The following NUDCD3 variants were observed in gnomAD, a reference collection of about 807,000 sequenced individuals.
NUDCD3 encodes the protein NudC domain containing 3.
Under a neutral mutation model 39.7 loss-of-function variants are expected in NUDCD3, and 13 were observed. That is an observed-to-expected ratio of 0.33 (90% CI 0.21 to 0.52). The LOEUF is 0.52. Ranked by LOEUF, NUDCD3 falls within the 20% of genes least tolerant of loss-of-function variation. The pLI, the probability that NUDCD3 is intolerant of heterozygous loss-of-function variation, is 0.96. For missense variants in NUDCD3, 453 were observed against 458.1 expected, an observed-to-expected ratio of 0.99 and a Z score of 0.10; for synonymous variants, 175 against 172.4, an observed-to-expected ratio of 1.02 and a Z score of -0.12.
At chr7:44,400,191 G>A (rs1050112746) in intron 4 of NUDCD3, among the ~76,000 whole-genome samples, 2 of 152,194 alleles carry the variant, frequency 1.3e-5, no homozygotes, top group Admixed American at 6.5e-5. Flanking sequence ...CCGTTGCCAC[G>A]GCTGATTTTA....
At chr7:44,456,033 A>AC (rs1799889133) in intron 2 of NUDCD3, among the ~76,000 whole-genome samples, 1 of 131,492 alleles carries the variant, frequency 7.6e-6, no homozygotes, top group African/African-American at 2.9e-5. Context: ...CTCAAAAAAA[A>AC]AAAAAAAAAA....
At chr7:44,455,052 T>C (rs540982137) in intron 2 of NUDCD3, among the ~76,000 whole-genome samples, 11 of 152,250 alleles carry the variant, frequency 7.2e-5, no homozygotes, top group African/African-American at 2.6e-4. Context: ...CTCTTCTTAA[T>C]TGCCCCATAA....
At chr7:44,437,595 G>A (rs1799492130) in intron 2 of NUDCD3, among the ~76,000 whole-genome samples, 1 of 152,164 alleles carries the variant, frequency 6.6e-6, no homozygotes, top group Non-Finnish European at 1.5e-5. Flanking sequence ...GGCCACAGGG[G>A]TTGGGGCAGC....
At chr7:44,433,359 G>A (rs1048328510) in intron 2 of NUDCD3, among the ~76,000 whole-genome samples, 1 of 152,202 alleles carries the variant, frequency 6.6e-6, no homozygotes, top group African/African-American at 2.4e-5. Context: ...GGGTACGTGT[G>A]TGCATACAAT....
At chr7:44,405,762 G>A (rs910910903) in intron 3 of NUDCD3, among the ~76,000 whole-genome samples, 11 of 152,110 alleles carry the variant, frequency 7.2e-5, no homozygotes, top group Non-Finnish European at 1.2e-4. Context: ...AATGGAAATG[G>A]GAGAAATGAT....
rs1238371478 is a variant in NUDCD3, at chr7:44,380,789, A to G, written c.*5222T>C. On this transcript the variant is annotated 3_prime_UTR_variant, in exon 6 of 6. Transcript: ENST00000355451. Reference sequence around the variant, plus strand: ...ACCAGAGCAGCTTCCTAAACTCCCTAGTCCAGCAGAGGTTAGGGCTCGCTT... The same window carrying G: ...ACCAGAGCAGCTTCCTAAACTCCCTGGTCCAGCAGAGGTTAGGGCTCGCTT... 1 of 152,254 alleles carries G rather than the reference A, an allele frequency of 6.6e-6. No homozygotes were observed. Among genetic ancestry groups the G allele is most frequent in the African/African-American group, 2.4e-5 (1 of 41,446 alleles). 9.4% of individuals were successfully genotyped at this position (152,254 alleles called of 1,614,324 possible). A position where few individuals can be genotyped will look rare whatever the true frequency, so the allele number is the denominator to read the frequency against.
chr7:44,486,675 T>C (rs1800617614), intron 1 of NUDCD3, among the ~76,000 whole-genome samples: 1 of 152,230 alleles, frequency 6.6e-6, no homozygotes, highest in Non-Finnish European at 1.5e-5. Context: ...CTCATCCTGC[T>C]GATACTCCAG....
chr7:44,398,601 A>G (rs188122761), intron 4 of NUDCD3, among the ~76,000 whole-genome samples: 1 of 152,272 alleles, frequency 6.6e-6, no homozygotes, highest in East Asian at 1.9e-4. Flanking sequence ...AACTTACCTC[A>G]GCATCCCCCA....
At chr7:44,424,054 C>T (rs6957952) in intron 3 of NUDCD3, among the ~76,000 whole-genome samples, 20,599 of 152,100 alleles carry the variant, frequency 0.14, 1,728 homozygotes, top group Non-Finnish European at 0.19. Flanking sequence ...AAGGACTCCC[C>T]ATTTAATAAA....
rs1798318236 is a variant in NUDCD3 at position 44,382,297 on chromosome 7, T to C, written c.*3714A>G. ...TGTACACCAAACCCCTATGATCCAATTTACCCATGTAACAACCCTTGAACC... is the reference window on the plus strand; with the variant it reads ...TGTACACCAAACCCCTATGATCCAACTTACCCATGTAACAACCCTTGAACC... On this transcript the variant is annotated 3_prime_UTR_variant, in exon 6 of 6. Transcript: ENST00000355451. The C allele has an allele frequency of 1.3e-5, 2 of 152,104 alleles. No homozygotes were observed. The highest frequency in any genetic ancestry group is 2.4e-5 in the African/African-American group (1 of 41,486). 9.4% of individuals were successfully genotyped at this position (152,104 alleles called of 1,614,324 possible). A position where few individuals can be genotyped will look rare whatever the true frequency, so the allele number is the denominator to read the frequency against.
intron 3 of NUDCD3, 92 bp from the exon 4 acceptor site, chr7:44,404,675 G>A: frequency 7.2e-7 from 1 of 1,385,370 alleles, no homozygotes; most frequent in Non-Finnish European, 1.0e-6. Flanking sequence ...CAAGGTACCT[G>A]ACTGCACACT....
chr7:44,425,698 C>A (rs1799220526), intron 3 of NUDCD3, among the ~76,000 whole-genome samples: 1 of 151,852 alleles, frequency 6.6e-6, no homozygotes, highest in African/African-American at 2.4e-5. Flanking sequence ...CCTATCTCTA[C>A]AAAAAATTTT....
At position 44,490,654 on chromosome 7, in the gene NUDCD3, C is replaced by G. The variant is rs1408591342; in HGVS notation, c.-54G>C. 6.6e-6 allele frequency: 10 copies of G among 1,508,232 alleles called. No homozygotes were observed. The highest frequency in any genetic ancestry group is 8.9e-6 in the Non-Finnish European group (10 of 1,127,824). The allele number at this position is 1,508,232 out of a possible 1,614,324, so 93.4% of individuals were successfully genotyped here. ...ACACACAGCGCCGCCTCAGACCTGC[C>G]GACTGGCCACTTCCGGCGTCCGCAG... is the stretch of plus-strand genomic sequence containing the variant. On this transcript the variant is annotated 5_prime_UTR_variant, in exon 1 of 6. Coordinates refer to ENST00000355451, the MANE Select transcript of NUDCD3 (RefSeq NM_015332.4).
chr7:44,455,997 G>C (rs1799885676), intron 2 of NUDCD3, among the ~76,000 whole-genome samples: 1 of 107,364 alleles, frequency 9.3e-6, no homozygotes, highest in African/African-American at 3.5e-5. Flanking sequence ...CTGCACTCCA[G>C]CCTGGGCGAC....
intron 2 of NUDCD3, among the ~76,000 whole-genome samples, chr7:44,478,686 G>A (rs1458659510): frequency 6.6e-6 from 1 of 152,188 alleles, no homozygotes; most frequent in Non-Finnish European, 1.5e-5. Context: ...ATTAGTCAGG[G>A]AGATGCTAAA....
At chr7:44,393,182 A>G (rs1160765735) in intron 4 of NUDCD3, among the ~76,000 whole-genome samples, 1 of 152,094 alleles carries the variant, frequency 6.6e-6, no homozygotes, top group East Asian at 1.9e-4. Flanking sequence ...CTTGGGAAGG[A>G]GAAACGACCA....
At chr7:44,443,281 T>C (rs978393383) in intron 2 of NUDCD3, among the ~76,000 whole-genome samples, 9 of 152,158 alleles carry the variant, frequency 5.9e-5, no homozygotes, top group African/African-American at 9.7e-5. Context: ...TGCATGCTAA[T>C]CTTAAAGAAG....
chr7:44,415,239 G>A (rs1563169924), intron 3 of NUDCD3, among the ~76,000 whole-genome samples: 1 of 152,182 alleles, frequency 6.6e-6, no homozygotes, highest in Non-Finnish European at 1.5e-5. Context: ...TCAATGAAAT[G>A]CCAGGTTTAT....
At chr7:44,468,138 A>G (rs1172293082) in intron 2 of NUDCD3, 1 of 1,606,930 alleles carries the variant, frequency 6.2e-7, no homozygotes. Context: ...CTGGTCCACA[A>G]CATCAAGGAG....
Sources: gnomAD v4.1 joint callset for allele counts (sites outside exome capture counted in the v4.1 genomes callset) on GRCh38, gnomAD v4.1.1 for gene constraint, MANE v1.5 for transcripts, NCBI Gene and HGNC (gene_info 2026-07-23, HGNC 2026-07-21) for gene names.